Variants in CARS1 observed in about 807,000 individuals in gnomAD.
CARS1 encodes the protein cysteine--tRNA ligase, cytoplasmic.
In CARS1, 48 loss-of-function variants were observed where a neutral mutation model predicts 106.2. The observed-to-expected ratio is 0.45, with a 90% CI of 0.36 to 0.57. The LOEUF (loss-of-function observed/expected upper bound fraction) is 0.57. Ranked by LOEUF, CARS1 falls within the 20% of genes least tolerant of loss-of-function variation. The pLI is 0.00. For missense variants in CARS1, 968 were observed against 1,057.2 expected (o/e 0.92, Z 1.17); for synonymous variants, 409 against 403.4 (o/e 1.01, Z -0.17).
intron 19 of CARS1, among the ~76,000 whole-genome samples, 198 bp from the exon 20 acceptor site, chr11:3,005,631 A>AC (rs1849787421): frequency 7.5e-6 from 1 of 132,476 alleles, no homozygotes; most frequent in Non-Finnish European, 1.6e-5. Context: ...TGTGTGTGTG[A>AC]TTTTTTTTTT....
chr11:3,056,984 G>A (rs1258418988), intron 1 of CARS1, among the ~76,000 whole-genome samples: 2 of 152,190 alleles, frequency 1.3e-5, no homozygotes, highest in African/African-American at 4.8e-5. Context: ...TCACGCAGGA[G>A]TCCCAGGGGT....
intron 7 of CARS1, among the ~76,000 whole-genome samples, chr11:3,036,030 C>T (rs149314964): frequency 1.0e-3 from 157 of 152,330 alleles, no homozygotes; most frequent in African/African-American, 3.6e-3. Flanking sequence ...TCAGGAATTG[C>T]GGCACGTGCC....
In CARS1 at chr11:3,022,412, T is replaced by G. The variant is rs1295219042; in HGVS notation, c.1154-2080A>C. On this transcript the variant is annotated intron_variant, in intron 10 of 22. Coordinates refer to ENST00000380525, the MANE Select transcript of CARS1 (RefSeq NM_001014437.3). The surrounding 1 kb of genome is among the most constrained non-coding windows in gnomAD (Gnocchi z 4.9). ...ATCCCCATCACCTGTCCAGAGCAAT[T>G]AAAAACCCCTCCCCAAATCTCAGGG... 6.6e-6 allele frequency among the ~76,000 whole-genome samples: 1 copy of G among 151,994 alleles called. No homozygotes were observed. Among genetic ancestry groups the G allele is most frequent in the Non-Finnish European group, 1.5e-5 (1 of 68,002 alleles).
rs995321024 is a variant in CARS1 at position 3,041,454 on chromosome 11, G to A, written c.367-470C>T. On this transcript the variant is annotated intron_variant, in intron 3 of 22. Transcript: ENST00000380525. The surrounding 1 kb of genome is among the most constrained non-coding windows in gnomAD (Gnocchi z 4.9). ...CAGGGTCAGTCCCTGTTGGGGGAGCGCGGCTTGGAGGCCAGGACCCCTGAA... is the reference window on the plus strand; with the variant it reads ...CAGGGTCAGTCCCTGTTGGGGGAGCACGGCTTGGAGGCCAGGACCCCTGAA... 9.2e-5 allele frequency among the ~76,000 whole-genome samples: 14 copies of A among 152,106 alleles called. No individual in the cohort carries two copies. Among genetic ancestry groups the A allele is most frequent in the Admixed American group, 4.6e-4 (7 of 15,272 alleles).
rs1373376149 is a variant in CARS1 at position 3,034,582 on chromosome 11, T to C, written c.801+3468A>G. 6.6e-6 allele frequency among the ~76,000 whole-genome samples: 1 copy of C among 151,956 alleles called. No homozygotes were observed. The highest frequency in any genetic ancestry group is 1.5e-5 in the Non-Finnish European group (1 of 68,004). Reference sequence around the variant, plus strand: ...GTCTTGCTTCGTCGCCAGGCTGCAGTGCAACAGCACGATCTCGGCTCACTG... The same window carrying C: ...GTCTTGCTTCGTCGCCAGGCTGCAGCGCAACAGCACGATCTCGGCTCACTG... On this transcript the variant is annotated intron_variant, in intron 7 of 22. Coordinates refer to ENST00000380525, the MANE Select transcript of CARS1 (RefSeq NM_001014437.3). The surrounding 1 kb of genome is among the most constrained non-coding windows in gnomAD (Gnocchi z 6.3).
chr11:3,018,799 G>T (rs183239843), intron 12 of CARS1, 50 bp from the exon 13 acceptor site: 2 of 1,584,812 alleles, frequency 1.3e-6, no homozygotes, highest in East Asian at 4.5e-5. Flanking sequence ...TACTGGGGCC[G>T]CCTCCTGCCA....
Position 3,039,730 on chromosome 11 carries a change from A to G in CARS1, c.552+105T>C, listed in dbSNP as rs142731933. The G allele has an allele frequency of 1.7e-5, 10 of 601,596 alleles. No homozygotes were observed. The highest frequency in any genetic ancestry group is 2.6e-5 in the Non-Finnish European group (9 of 345,470). 37.3% of individuals were successfully genotyped at this position (601,596 alleles called of 1,614,324 possible). On this transcript the variant is annotated intron_variant, in intron 5 of 22. Coordinates refer to ENST00000380525, the MANE Select transcript of CARS1 (RefSeq NM_001014437.3). The surrounding 1 kb of genome is among the most constrained non-coding windows in gnomAD (Gnocchi z 5.6). The stretch of plus-strand genomic sequence containing the variant: ...GATTAAAATGATGTTTATCAGGTGA[A>G]AACACAAGCTAGCTCAAGCCTACAT...
chr11:3,050,542 G>C lies in CARS1; in HGVS notation c.26-2541C>G, dbSNP rs77848405. ...AGACACCGCCACCTGTAGCCAGCAT[G>C]GCTCTCCCCTCACAGCCACAGGCCT... On this transcript the variant is annotated intron_variant, in intron 1 of 22. Transcript: ENST00000380525. This position sits in a 1 kb window ranked among gnomAD's most constrained non-coding sequence, Gnocchi z 6.3. Among the ~76,000 whole-genome samples the C allele has an allele frequency of 0.026, 3,972 of 152,268 alleles. 187 individuals are homozygous for C. The highest frequency in any genetic ancestry group is 0.09 in the African/African-American group (3,743 of 41,528).
chr11:3,008,991 C>T lies in CARS1; in HGVS notation c.2069-2032G>A, dbSNP rs764650620. ...ATCAGAGCAGGCACCAAGAAAGCCT[C>T]CCGGGCCACACTCCCTGGGGGAAAG... On this transcript the variant is annotated intron_variant, in intron 18 of 22. Coordinates refer to ENST00000380525, the MANE Select transcript of CARS1 (RefSeq NM_001014437.3). This position sits in a 1 kb window ranked among gnomAD's most constrained non-coding sequence, Gnocchi z 5.1. 1 of 152,422 alleles carries T rather than the reference C, an allele frequency of 6.6e-6. No individual in the cohort carries two copies. The highest frequency in any genetic ancestry group is 1.5e-5 in the Non-Finnish European group (1 of 68,220). 9.4% of individuals were successfully genotyped at this position (152,422 alleles called of 1,614,324 possible).
chr11:3,002,750 A>T, intron 20 of CARS1, 150 bp from the exon 21 acceptor site: 1 of 1,356,162 alleles, frequency 7.4e-7, no homozygotes, highest in Non-Finnish European at 1.0e-6. Flanking sequence ...TGGGGAGACA[A>T]GCCCATGTGC....
rs369196303 is a variant in CARS1 at position 3,050,839 on chromosome 11, G to C, written c.26-2838C>G. Among the ~76,000 whole-genome samples the C allele has an allele frequency of 3.3e-5, 5 of 152,204 alleles. No homozygotes were observed. The highest frequency in any genetic ancestry group is 9.7e-5 in the African/African-American group (4 of 41,442). On this transcript the variant is annotated intron_variant, in intron 1 of 22. Transcript: ENST00000380525. This position sits in a 1 kb window ranked among gnomAD's most constrained non-coding sequence, Gnocchi z 6.3. Reference sequence around the variant, plus strand: ...CATATGGCGCCCGCCTCTAGACCCTGAGCCTGGCTGCTCTTTCTCTCCGCA... The same window carrying C: ...CATATGGCGCCCGCCTCTAGACCCTCAGCCTGGCTGCTCTTTCTCTCCGCA...
chr11:3,015,623 A>G (rs1027486505), intron 17 of CARS1, among the ~76,000 whole-genome samples, 158 bp downstream of exon 17: 1 of 152,280 alleles, frequency 6.6e-6, no homozygotes, highest in African/African-American at 2.4e-5. Context: ...GACCACACTT[A>G]GCACTCTCAG....
At chr11:3,005,274 C>T (rs1849747777) in intron 20 of CARS1, 92 bp downstream of exon 20, 1 of 929,084 alleles carries the variant, frequency 1.1e-6, no homozygotes, top group Non-Finnish European at 1.7e-6. Flanking sequence ...AAAGTGTAAA[C>T]ATCAATGCTT....
Position 3,017,557 on chromosome 11 carries a change from C to T in CARS1, c.1728-262G>A, listed in dbSNP as rs1440583661. On this transcript the variant is annotated intron_variant, in intron 15 of 22. Transcript: ENST00000380525. This position sits in a 1 kb window ranked among gnomAD's most constrained non-coding sequence, Gnocchi z 4.9. ...ACTCGGGAGGCTGAGGCAGGAGAATCGCTCGAACCCGGGAGGTGGAGGTTG... is the reference window on the plus strand; with the variant it reads ...ACTCGGGAGGCTGAGGCAGGAGAATTGCTCGAACCCGGGAGGTGGAGGTTG... 7 of 553,402 alleles carry T rather than the reference C, an allele frequency of 1.3e-5. No homozygotes were observed. The highest frequency in any genetic ancestry group is 2.5e-5 in the South Asian group (1 of 40,706). 34.3% of individuals were successfully genotyped at this position (553,402 alleles called of 1,614,324 possible).
chr11:3,017,936 T>C lies in CARS1; in HGVS notation c.1648A>G (p.Lys550Glu). Residue 550 changes from lysine (K) to glutamate (E), a missense_variant, in exon 15 of 23, where the codon AAA (lysine) becomes GAA (glutamate). Physicochemically the swap from Lys to Glu is moderately conservative, Grantham distance 56 (BLOSUM62 1). Transcript: ENST00000380525. The surrounding 1 kb of genome is among the most constrained non-coding windows in gnomAD (Gnocchi z 4.9). ...TCAACAGGAGCGCGAAGGATATCTT[T>C]CACATTTAAGAAAAACTCCTGAAGT... is the stretch of plus-strand genomic sequence containing the variant. ...KFLNEFFLNV[K>E]DILRAPVDIT... is the part of the protein sequence containing the mutation. The C allele has an allele frequency of 6.2e-7, 1 of 1,613,292 alleles. No homozygotes were observed. The highest frequency in any genetic ancestry group is 8.5e-7 in the Non-Finnish European group (1 of 1,179,492).
Position 3,029,264 on chromosome 11 carries a change from A to G in CARS1, c.942+39T>C, listed in dbSNP as rs775735235. On this transcript the variant is annotated intron_variant, in intron 8 of 22. Transcript: ENST00000380525. The surrounding 1 kb of genome is among the most constrained non-coding windows in gnomAD (Gnocchi z 5.9). ...CAGGAATTTAGAAATCAGGGCCCTT[A>G]GCGCAAGAGAGCCAGCACAAGACAA... 2 of 1,604,592 alleles carry G rather than the reference A, an allele frequency of 1.2e-6. No individual in the cohort carries two copies. Among genetic ancestry groups the G allele is most frequent in the South Asian group, 2.2e-5 (2 of 90,716 alleles).
At chr11:3,036,301 G>C (rs1472808198) in intron 7 of CARS1, among the ~76,000 whole-genome samples, 3 of 152,248 alleles carry the variant, frequency 2.0e-5, no homozygotes, top group African/African-American at 7.2e-5. Flanking sequence ...TGTGTGGGCA[G>C]TGTTGGGAAC....
At chr11:3,010,205 T>C (rs1338796380) in intron 18 of CARS1, among the ~76,000 whole-genome samples, 2 of 152,234 alleles carry the variant, frequency 1.3e-5, no homozygotes, top group African/African-American at 4.8e-5. Context: ...AGCGGGAGCT[T>C]GTGCCTGGCC....
In CARS1 at chr11:3,037,648, G is replaced by T. The variant is rs115749509; in HGVS notation, c.801+402C>A. ...CCCCAAGCTCAGTAGGTACCCACAG[G>T]CCTCAATGCTCAATTCAATGTTAAT... On this transcript the variant is annotated intron_variant, in intron 7 of 22. Transcript: ENST00000380525. The surrounding 1 kb of genome is among the most constrained non-coding windows in gnomAD (Gnocchi z 5.9). 0.018 allele frequency among the ~76,000 whole-genome samples: 2,744 copies of T among 152,288 alleles called. 23 individuals carry two copies. Among genetic ancestry groups the T allele is most frequent in the Middle Eastern group, 0.041 (12 of 294 alleles).
Sources: gnomAD v4.1 joint callset for allele counts (sites outside exome capture counted in the v4.1 genomes callset) on GRCh38, gnomAD v4.1.1 for gene constraint, Gnocchi (gnomAD v3.1) non-coding constraint, MANE v1.5 for transcripts, NCBI Gene and HGNC (gene_info 2026-07-23, HGNC 2026-07-21) for gene names.